ASTN2: variants seen among roughly 807,000 people sequenced by gnomAD.
The protein encoded by ASTN2 is astrotactin 2.
In ASTN2, 54 loss-of-function variants were observed where a neutral mutation model predicts 139.8. The observed-to-expected ratio is 0.39, with a 90% CI of 0.31 to 0.48. ASTN2 has a LOEUF of 0.48. Ranked by LOEUF, ASTN2 falls within the 20% of genes least tolerant of loss-of-function variation. The probability of loss-of-function intolerance (pLI) is 0.95; values close to 1 mark genes in which losing one functional copy is unlikely to be tolerated. For missense variants in ASTN2, 1,565 were observed against 1,725.1 expected (o/e 0.91, Z 1.64); for synonymous variants, 756 against 719.5 (o/e 1.05, Z -0.81).
intron 16 of ASTN2, among the ~76,000 whole-genome samples, chr9:116,703,031 C>G (rs1483410565): frequency 6.6e-6 from 1 of 152,000 alleles, no homozygotes; most frequent in Non-Finnish European, 1.5e-5. Flanking sequence ...ATTTCTAGTT[C>G]TAGATCCCTG....
In ASTN2 at chr9:116,618,359, T is replaced by A. The variant is rs754111824; in HGVS notation, c.3320A>T (p.Lys1107Ile). 6 of 1,614,160 alleles carry A rather than the reference T, an allele frequency of 3.7e-6. No individual in the cohort carries two copies. Among genetic ancestry groups the A allele is most frequent in the Non-Finnish European group, 5.1e-6 (6 of 1,179,976 alleles). ...GTCAGTGTCTGTGTATTCATCCACT[T>A]TCTTATGCTGCAGAATATAGTCGGA... ...KVSDYILQHK[K>I]VDEYTDTDLY... Residue 1107 changes from lysine to isoleucine, a missense_variant, in exon 19 of 23, where the codon AAA (lysine) becomes ATA (isoleucine). By Grantham distance (102) the Lys-to-Ile change is moderately radical. This residue lies in a region of ASTN2 where 418 missense variants were observed against 465.8 expected (regional missense o/e 0.90). Coordinates refer to ENST00000313400, the MANE Select transcript of ASTN2 (RefSeq NM_001365068.1).
intron 2 of ASTN2, among the ~76,000 whole-genome samples, chr9:117,238,380 T>C (rs943725592): frequency 1.6e-4 from 24 of 152,330 alleles, no homozygotes; most frequent in African/African-American, 5.3e-4. Context: ...AGGAGGCTAA[T>C]AAGTGACGTT....
intron 22 of ASTN2, chr9:116,437,549 C>T (rs1217876130): frequency 2.1e-6 from 1 of 471,158 alleles, no homozygotes; most frequent in Admixed American, 2.3e-5. Flanking sequence ...GCCGCCTTTC[C>T]AGAAGATTTA....
In ASTN2 at chr9:116,627,877, T is replaced by C. The variant is rs1474441149; in HGVS notation, c.3073-7434A>G. Among the ~76,000 whole-genome samples the C allele has an allele frequency of 3.3e-5, 5 of 152,348 alleles. No homozygotes were observed. The East Asian group carries it at 7.7e-4, about 24-fold the overall frequency. On this transcript the variant is annotated intron_variant, in intron 17 of 22. Coordinates refer to ENST00000313400, the MANE Select transcript of ASTN2 (RefSeq NM_001365068.1). ...ACTCCTCACAATACCCTAGGTACTT[T>C]AGACATATTAACTCATTAAATTTTC...
chr9:117,064,325 C>T (rs1827868552), intron 5 of ASTN2, among the ~76,000 whole-genome samples: 1 of 152,064 alleles, frequency 6.6e-6, no homozygotes, highest in Admixed American at 6.6e-5. Context: ...TACTGGGTGT[C>T]ACAGTCTTTG....
Position 117,291,458 on chromosome 9 carries a change from C to T in ASTN2, c.498G>A (p.Leu166=), listed in dbSNP as rs1449117906. Residue 166 remains leucine (L), a synonymous_variant, in exon 2 of 23, where the codon CTG becomes CTA. Transcript: ENST00000313400. Reference sequence around the variant, plus strand: ...CGTGGAAGTACAAGGTGCCATTCTCCAGCCACTGCTGTCTCCAGTGCACCA... The same window carrying T: ...CGTGGAAGTACAAGGTGCCATTCTCTAGCCACTGCTGTCTCCAGTGCACCA... ...ISLVHWRQQW[L]ENGTLYFHVS... is the part of the protein sequence containing the mutation. 1.2e-6 allele frequency: 2 copies of T among 1,613,942 alleles called. No individual in the cohort carries two copies. The highest frequency in any genetic ancestry group is 1.7e-5 in the Admixed American group (1 of 60,002).
intron 2 of ASTN2, among the ~76,000 whole-genome samples, chr9:117,263,166 G>C (rs1833864414): frequency 6.6e-6 from 1 of 152,124 alleles, no homozygotes; most frequent in Non-Finnish European, 1.5e-5. Flanking sequence ...AGATACTTTG[G>C]CTAAAAATAA....
In ASTN2 at chr9:116,442,559, G is replaced by C. The variant is rs1228916413; in HGVS notation, c.3498-6C>G. On this transcript the variant is annotated splice_region_variant and splice_polypyrimidine_tract_variant and intron_variant, in intron 20 of 22. Coordinates refer to ENST00000313400, the MANE Select transcript of ASTN2 (RefSeq NM_001365068.1). ...CCACAGCATACAGAGTGAACCTGCA[G>C]CACAGCAAGAAAACAGAGCACCAGG... The C allele has an allele frequency of 6.2e-7, 1 of 1,613,696 alleles. No individual in the cohort carries two copies. The highest frequency in any genetic ancestry group is 2.2e-5 in the East Asian group (1 of 44,882).
At chr9:117,346,172 CTT>C (rs1012497219) in intron 1 of ASTN2, among the ~76,000 whole-genome samples, 1 of 152,110 alleles carries the variant, frequency 6.6e-6, no homozygotes, top group Non-Finnish European at 1.5e-5. Context: ...TGTACTGACT[CTT>C]TGTCCAGAGC....
chr9:117,408,130 G>C lies in ASTN2; in HGVS notation c.442+6367C>G, dbSNP rs1831051949. Reference sequence around the variant, plus strand: ...GGAAAACCAATTCAATTTCCCTAAGGAGATTTTTCCTTGTAGATTTTTTTT... The same window carrying C: ...GGAAAACCAATTCAATTTCCCTAAGCAGATTTTTCCTTGTAGATTTTTTTT... On this transcript the variant is annotated intron_variant, in intron 1 of 22. Transcript: ENST00000313400. Among the ~76,000 whole-genome samples, 3 of 148,462 alleles carry C rather than the reference G, an allele frequency of 2.0e-5. No individual in the cohort carries two copies. In the South Asian group the frequency reaches 6.6e-4, roughly 33 times the overall value.
intron 1 of ASTN2, among the ~76,000 whole-genome samples, chr9:117,332,497 CAG>C (rs2130851222): frequency 6.6e-6 from 1 of 152,250 alleles, no homozygotes; most frequent in Non-Finnish European, 1.5e-5. Context: ...GCCAGAGAGG[CAG>C]AGTTTGCAGT....
intron 5 of ASTN2, among the ~76,000 whole-genome samples, chr9:117,072,908 G>A (rs946106140): frequency 1.3e-5 from 2 of 152,090 alleles, no homozygotes; most frequent in Non-Finnish European, 2.9e-5. Flanking sequence ...GACAAAGAGT[G>A]ATTTGCAGGT....
At chr9:116,942,421 T>A (rs1835267078) in intron 10 of ASTN2, among the ~76,000 whole-genome samples, 1 of 152,194 alleles carries the variant, frequency 6.6e-6, no homozygotes, top group Non-Finnish European at 1.5e-5. Flanking sequence ...TTTCTGCTGG[T>A]TTTTATGACT....
intron 16 of ASTN2, among the ~76,000 whole-genome samples, chr9:116,689,895 A>C (rs1860478512): frequency 6.6e-6 from 1 of 152,146 alleles, no homozygotes; most frequent in South Asian, 2.1e-4. Context: ...ACCTCATAGC[A>C]GGGACTGAGG....
intron 17 of ASTN2, among the ~76,000 whole-genome samples, chr9:116,642,600 G>T (rs1049774953): frequency 6.6e-6 from 1 of 152,082 alleles, no homozygotes; most frequent in East Asian, 1.9e-4. Flanking sequence ...TTTGAGTCAA[G>T]AATATGGATC....
intron 2 of ASTN2, among the ~76,000 whole-genome samples, chr9:117,258,610 G>A (rs1197496871): frequency 6.6e-6 from 1 of 152,088 alleles, no homozygotes; most frequent in Non-Finnish European, 1.5e-5. Context: ...GGTCTGCTGT[G>A]TCTCCATCGC....
intron 13 of ASTN2, among the ~76,000 whole-genome samples, chr9:116,789,506 C>T (rs1830474971): frequency 6.6e-6 from 1 of 152,194 alleles, no homozygotes; most frequent in South Asian, 2.1e-4. Flanking sequence ...AGTAATTATT[C>T]AGTAGTGATG....
intron 2 of ASTN2, among the ~76,000 whole-genome samples, chr9:117,230,730 T>A (rs868299928): frequency 2.6e-5 from 4 of 152,138 alleles, no homozygotes; most frequent in Non-Finnish European, 5.9e-5. Flanking sequence ...AAATAAGACC[T>A]CTTTTCTCAT....
intron 1 of ASTN2, among the ~76,000 whole-genome samples, chr9:117,363,532 C>T (rs998730559): frequency 1.3e-5 from 2 of 152,194 alleles, no homozygotes; most frequent in East Asian, 1.9e-4. Flanking sequence ...CACAAGCACC[C>T]GTGATTGCAG....
Sources: gnomAD v4.1 joint callset for allele counts (sites outside exome capture counted in the v4.1 genomes callset) on GRCh38, gnomAD v4.1.1 for gene constraint, gnomAD v4.1.1 regional missense constraint, MANE v1.5 for transcripts, NCBI Gene and HGNC (gene_info 2026-07-23, HGNC 2026-07-21) for gene names.